Variants in ACACB observed in about 807,000 individuals in gnomAD.
ACACB encodes the protein acetyl-CoA carboxylase 2.
Under a neutral mutation model 278.8 loss-of-function variants are expected in ACACB, and 209 were observed. The observed-to-expected ratio is 0.75, with a 90% CI of 0.67 to 0.84. The LOEUF (loss-of-function observed/expected upper bound fraction) is 0.84. Among genes scored for constraint, ACACB ranks in the 40% least tolerant of loss-of-function variants. The probability of loss-of-function intolerance (pLI) is 0.00; values close to 1 mark genes in which losing one functional copy is unlikely to be tolerated. For missense variants in ACACB, 2,850 were observed against 3,269.0 expected, an observed-to-expected ratio of 0.87 and a Z score of 3.13; for synonymous variants, 1,174 against 1,285.6, an observed-to-expected ratio of 0.91 and a Z score of 1.86.
At chr12:109,237,138 T>G in intron 33 of ACACB, 27 bp from the exon 34 acceptor site, 1 of 1,612,566 alleles carries the variant, frequency 6.2e-7, no homozygotes, top group Non-Finnish European at 8.5e-7. Context: ...TGTATGTGTC[T>G]GTCTTCTCTC....
chr12:109,143,907 T>C (rs1181869484), intron 2 of ACACB, among the ~76,000 whole-genome samples: 1 of 152,118 alleles, frequency 6.6e-6, no homozygotes, highest in African/African-American at 2.4e-5. Flanking sequence ...AGGTCCAGCA[T>C]GGTGACTCAC....
Position 109,254,284 on chromosome 12 carries a change from C to G in ACACB, c.6116C>G (p.Ser2039Cys). Residue 2039 changes from serine to cysteine, a missense_variant, in exon 44 of 53, where the codon TCC (serine) becomes TGC (cysteine). By Grantham distance (112) the Ser-to-Cys change is moderately radical (BLOSUM62 -1). This residue lies in a region of ACACB where 579 missense variants were observed against 684.6 expected (regional missense o/e 0.85). Transcript: ENST00000338432. ...GACAGAGAAATTGAATTCCTCCCAT[C>G]CAGAGCTCCCTACGACCCCCGGTGG... ...PIDREIEFLPSRAPYDPRWML... is the reference protein window; with the variant it reads ...PIDREIEFLPCRAPYDPRWML... 1 of 1,612,774 alleles carries G rather than the reference C, an allele frequency of 6.2e-7. No individual in the cohort carries two copies. Among genetic ancestry groups the G allele is most frequent in the South Asian group, 1.1e-5 (1 of 91,036 alleles).
chr12:109,216,801 TACG>T lies in ACACB; in HGVS notation c.3448_3450del (p.Asp1150del), dbSNP rs1565936155. ...TGGTGTTTTGTCTCCCCCAGCCCAC[TACG>T]ACAAGTGTGTGATAAACCTCAGGGA... On this transcript the variant is annotated inframe_deletion, in exon 24 of 53. Coordinates refer to ENST00000338432, the MANE Select transcript of ACACB (RefSeq NM_001093.4). 2 of 1,614,170 alleles carry T rather than the reference TACG, an allele frequency of 1.2e-6. No individual in the cohort carries two copies. Among genetic ancestry groups the T allele is most frequent in the African/African-American group, 1.3e-5 (1 of 75,050 alleles).
At chr12:109,193,343 G>A (rs562738417) in intron 15 of ACACB, among the ~76,000 whole-genome samples, 9 of 151,226 alleles carry the variant, frequency 6.0e-5, no homozygotes, top group South Asian at 4.2e-4. Flanking sequence ...TCAGCCTCCC[G>A]AGTAGCTGGG....
intron 9 of ACACB, among the ~76,000 whole-genome samples, chr12:109,176,746 A>G (rs2044294097): frequency 6.6e-6 from 1 of 152,144 alleles, no homozygotes; most frequent in African/African-American, 2.4e-5. Context: ...CCTCCTGAGT[A>G]GCTGGGATTA....
chr12:109,175,222 GT>G (rs138228770), intron 7 of ACACB, among the ~76,000 whole-genome samples: 8,998 of 150,126 alleles, frequency 0.06, 312 homozygotes, highest in Non-Finnish European at 0.073. Flanking sequence ...TATTAAATTT[GT>G]TTTTTTTTCC....
At chr12:109,210,283 ATATC>A (rs1291481578) in intron 21 of ACACB, among the ~76,000 whole-genome samples, 2 of 21,072 alleles carry the variant, frequency 9.5e-5, no homozygotes, top group Admixed American at 5.2e-4. Context: ...ATACACACAC[ATATC>A]TGTGTGTATA....
chr12:109,262,001 CCTCCT>C (rs1011864417), intron 48 of ACACB, among the ~76,000 whole-genome samples: 71 of 152,144 alleles, frequency 4.7e-4, no homozygotes, highest in African/African-American at 1.6e-3. Flanking sequence ...AAACAGTGCC[CCTCCT>C]CTAGGAGGGC....
At chr12:109,247,213 A>G (rs1755512528) in intron 39 of ACACB, among the ~76,000 whole-genome samples, 1 of 152,086 alleles carries the variant, frequency 6.6e-6, no homozygotes, top group Admixed American at 6.6e-5. Context: ...CATTCAGAGC[A>G]TGCATTCTCG....
chr12:109,154,667 G>C (rs565078008), intron 2 of ACACB: 2 of 152,364 alleles, frequency 1.3e-5, no homozygotes, highest in African/African-American at 4.8e-5. Context: ...CCGGGACTCT[G>C]GCGCGCAGGG....
At chr12:109,142,998 G>A (rs775073550) in intron 2 of ACACB, among the ~76,000 whole-genome samples, 2 of 152,186 alleles carry the variant, frequency 1.3e-5, no homozygotes, top group Non-Finnish European at 2.9e-5. Flanking sequence ...GCAAACAGCT[G>A]GCAGGAGGGA....
At chr12:109,247,766 C>G (rs2046988521) in intron 40 of ACACB, 63 bp downstream of exon 40, 2 of 1,354,920 alleles carry the variant, frequency 1.5e-6, no homozygotes, top group South Asian at 2.4e-5. Context: ...GTCTTCTTTC[C>G]TCGGGGCTTG....
At chr12:109,124,240 A>G (rs2042623116) in intron 1 of ACACB, among the ~76,000 whole-genome samples, 1 of 152,096 alleles carries the variant, frequency 6.6e-6, no homozygotes, top group Admixed American at 6.5e-5. Flanking sequence ...AAGTCTCCTC[A>G]TCTGTAATAA....
intron 20 of ACACB, among the ~76,000 whole-genome samples, chr12:109,207,892 C>T (rs2045568487): frequency 1.3e-5 from 2 of 152,138 alleles, no homozygotes; most frequent in South Asian, 4.1e-4. Flanking sequence ...GTTGGCCAGG[C>T]TGGTCTTGAA....
chr12:109,242,216 A>G, intron 36 of ACACB: 1 of 513,364 alleles, frequency 1.9e-6, no homozygotes, highest in Non-Finnish European at 3.5e-6. Flanking sequence ...TGATCACTGT[A>G]TTTTTGGAAC....
At chr12:109,223,991 T>TTCACCAAGGCATGTG in intron 27 of ACACB, 87 bp downstream of exon 27, 1 of 1,101,478 alleles carries the variant, frequency 9.1e-7, no homozygotes, top group Non-Finnish European at 1.4e-6. Context: ...CTAGGCCACA[T>TTCACCAAGGCATGTG]GCCTTGGTGA....
At position 109,232,715 on chromosome 12, in the gene ACACB, A is replaced by G. The variant is rs374741330; in HGVS notation, c.4048A>G (p.Ser1350Gly). The G allele has an allele frequency of 6.2e-7, 1 of 1,614,086 alleles. No individual in the cohort carries two copies. Among genetic ancestry groups the G allele is most frequent in the Non-Finnish European group, 8.5e-7 (1 of 1,180,050 alleles). Residue 1350 changes from serine (S) to glycine (G), a missense_variant, in exon 29 of 53, where the codon AGC (serine) becomes GGC (glycine). Ser to Gly is a moderately conservative substitution (Grantham distance 56). Around this residue, in one of 3 missense-constraint regions of ACACB, gnomAD observed 2,265 missense variants for 2,561.3 expected, o/e 0.88. Transcript: ENST00000338432. ...CACCAACCCTGACCTGCTGAGGCACAGCACAGAGCTCTTCATGGACAGCGG... is the reference window on the plus strand; with the variant it reads ...CACCAACCCTGACCTGCTGAGGCACGGCACAGAGCTCTTCATGGACAGCGG... ...SITNPDLLRH[S>G]TELFMDSGFS...
chr12:109,265,209 G>A lies in ACACB; in HGVS notation c.7042G>A (p.Gly2348Arg), dbSNP rs368598355. Reference sequence around the variant, plus strand: ...CAAGCAGGAGATCCTGCAGGCCAGCGGGGAGCTGAGTCACGTGCATATCCA... The same window carrying A: ...CAAGCAGGAGATCCTGCAGGCCAGCAGGGAGCTGAGTCACGTGCATATCCA... The part of the protein sequence containing the change: ...QVKQEILQAS[G>R]ELSHVHIQSM... The change falls in exon 51 of 53, where the codon GGG becomes AGG. Residue 2348 changes from glycine to arginine, a missense_variant. By Grantham distance (125) the Gly-to-Arg change is moderately radical (BLOSUM62 -2). Coordinates refer to ENST00000338432, the MANE Select transcript of ACACB (RefSeq NM_001093.4). 1.3e-4 allele frequency: 206 copies of A among 1,613,522 alleles called. No individual in the cohort carries two copies. The highest frequency in any genetic ancestry group is 2.9e-4 in the East Asian group (13 of 44,880).
In ACACB at chr12:109,237,222, C is replaced by G. The variant is rs1321703659; in HGVS notation, c.4504C>G (p.Leu1502Val). ...LEPALAFQLELNRMRNFDLTA... is the reference protein window; with the variant it reads ...LEPALAFQLEVNRMRNFDLTA... ...ACCTGCCCTGGCCTTCCAGCTGGAA[C>G]TTAACCGGATGCGTAACTTCGATCT... is the stretch of plus-strand genomic sequence containing the variant. Residue 1502 changes from leucine to valine, a missense_variant, in exon 34 of 53, where the codon CTT (leucine) becomes GTT (valine). By Grantham distance (32) the Leu-to-Val change is conservative. Around this residue, in one of 3 missense-constraint regions of ACACB, gnomAD observed 2,265 missense variants for 2,561.3 expected, o/e 0.88. Transcript: ENST00000338432. 1 of 1,614,180 alleles carries G rather than the reference C, an allele frequency of 6.2e-7. No individual in the cohort carries two copies. The highest frequency in any genetic ancestry group is 8.5e-7 in the Non-Finnish European group (1 of 1,180,024).
Sources: gnomAD v4.1 joint callset for allele counts (sites outside exome capture counted in the v4.1 genomes callset) on GRCh38, gnomAD v4.1.1 for gene constraint, gnomAD v4.1.1 regional missense constraint, MANE v1.5 for transcripts, NCBI Gene and HGNC (gene_info 2026-07-23, HGNC 2026-07-21) for gene names.